CTNNA3: variants seen among roughly 807,000 people sequenced by gnomAD.
CTNNA3 encodes the protein catenin alpha-3.
CTNNA3 carries 76 observed loss-of-function variants against 95.7 expected under a neutral mutation model. That is an observed-to-expected ratio of 0.79 (90% confidence interval 0.66 to 0.96). The LOEUF (loss-of-function observed/expected upper bound fraction) is 0.96. Among genes scored for constraint, CTNNA3 ranks in the 40% least tolerant of loss-of-function variants. CTNNA3 has a pLI of 0.00. For missense variants in CTNNA3, 1,191 were observed against 1,089.8 expected, an observed-to-expected ratio of 1.09 and a Z score of -1.31; for synonymous variants, 431 against 374.4, an observed-to-expected ratio of 1.15 and a Z score of -1.74.
chr10:66,777,775 ACACACACACACACACACACACATG>A (rs1334514038), intron 7 of CTNNA3, among the ~76,000 whole-genome samples: 4 of 123,156 alleles, frequency 3.2e-5, no homozygotes, highest in South Asian at 2.7e-4. Context: ...ACACACACAC[ACACACACACACACACACACACATG>A]CACACACACA....
chr10:67,480,519 C>G (rs1259755941), intron 5 of CTNNA3, among the ~76,000 whole-genome samples: 1 of 152,204 alleles, frequency 6.6e-6, no homozygotes, highest in African/African-American at 2.4e-5. Flanking sequence ...ACAAGGAACA[C>G]CTGGCCCACC....
intron 7 of CTNNA3, among the ~76,000 whole-genome samples, chr10:67,000,360 C>T (rs1027375170): frequency 2.0e-4 from 30 of 152,084 alleles, no homozygotes; most frequent in African/African-American, 5.8e-4. Flanking sequence ...CAGCTGATGA[C>T]GAAAGTTGAT....
rs2079614758 is a variant in CTNNA3 at position 66,038,527 on chromosome 10, C to T, written c.2159+30781G>A. Among the ~76,000 whole-genome samples the T allele has an allele frequency of 2.0e-5, 3 of 152,158 alleles. No homozygotes were observed. The South Asian group carries it at 6.2e-4, about 32-fold the overall frequency. On this transcript the variant is annotated intron_variant, in intron 15 of 17. Transcript: ENST00000433211. ...AATAACCTATGGTCAGTAGGATATA[C>T]ATTTGAGCAATGGCTTTTTCAGTAC...
At chr10:66,355,179 A>G (rs2092599361) in intron 12 of CTNNA3, among the ~76,000 whole-genome samples, 1 of 152,102 alleles carries the variant, frequency 6.6e-6, no homozygotes, top group Non-Finnish European at 1.5e-5. Context: ...AGAGCTCATT[A>G]CTGAGTATTA....
At position 65,913,760 on chromosome 10, in the gene CTNNA3, A is replaced by G. The variant is rs2076974143; in HGVS notation, c.*6570T>C. ...TTACTCCTTTGCTTTACTAATAAACACTCCACTACAAATCTGGTGTTAAAA... is the reference window on the plus strand; with the variant it reads ...TTACTCCTTTGCTTTACTAATAAACGCTCCACTACAAATCTGGTGTTAAAA... On this transcript the variant is annotated 3_prime_UTR_variant, in exon 18 of 18. Transcript: ENST00000433211. 1 of 152,030 alleles carries G rather than the reference A, an allele frequency of 6.6e-6. No homozygotes were observed. The highest frequency in any genetic ancestry group is 2.1e-4 in the South Asian group (1 of 4,828). 9.4% of individuals were successfully genotyped at this position (152,030 alleles called of 1,614,324 possible).
At chr10:66,903,811 C>A (rs529045909) in intron 7 of CTNNA3, among the ~76,000 whole-genome samples, 5 of 152,158 alleles carry the variant, frequency 3.3e-5, no homozygotes, top group African/African-American at 1.2e-4. Context: ...CCTAGGAATC[C>A]AACTTACAAG....
At chr10:66,583,525 A>G (rs1843262619) in intron 10 of CTNNA3, among the ~76,000 whole-genome samples, 1 of 151,752 alleles carries the variant, frequency 6.6e-6, no homozygotes, top group African/African-American at 2.4e-5. Flanking sequence ...TATCAGTTGT[A>G]ATATCTCCAT....
intron 4 of CTNNA3, among the ~76,000 whole-genome samples, chr10:67,524,412 AAAAAAAAAG>A (rs1297238631): frequency 3.5e-5 from 5 of 144,732 alleles, no homozygotes; most frequent in African/African-American, 1.3e-4. Context: ...AAAAAAAAAA[AAAAAAAAAG>A]AGTGTTCAAA....
chr10:67,530,632 G>T (rs765607884), intron 4 of CTNNA3, among the ~76,000 whole-genome samples: 25 of 152,202 alleles, frequency 1.6e-4, no homozygotes, highest in Non-Finnish European at 2.8e-4. Flanking sequence ...TGGAAAATTT[G>T]CAACCTGAAA....
intron 12 of CTNNA3, among the ~76,000 whole-genome samples, chr10:66,323,798 C>G (rs981557532): frequency 2.0e-5 from 3 of 151,990 alleles, no homozygotes; most frequent in Non-Finnish European, 4.4e-5. Flanking sequence ...ATGTCCCTAT[C>G]CTGTATCCCA....
chr10:66,084,973 A>T (rs1276622486), intron 14 of CTNNA3: 2 of 152,140 alleles, frequency 1.3e-5, no homozygotes, highest in Non-Finnish European at 2.9e-5. Context: ...ATCTGACAAG[A>T]TAAGAATCAT....
chr10:66,282,500 C>T (rs1256050376), intron 12 of CTNNA3, among the ~76,000 whole-genome samples: 3 of 151,642 alleles, frequency 2.0e-5, no homozygotes. Flanking sequence ...TTTATCTGAC[C>T]TCCTATACTT....
At chr10:66,484,465 G>T (rs1455123393) in intron 11 of CTNNA3, among the ~76,000 whole-genome samples, 5 of 151,910 alleles carry the variant, frequency 3.3e-5, no homozygotes, top group African/African-American at 4.8e-5. Flanking sequence ...AAAAGAGAAA[G>T]AATAAAGGAG....
chr10:66,088,551 C>G (rs936420753), intron 14 of CTNNA3, among the ~76,000 whole-genome samples: 2 of 147,230 alleles, frequency 1.4e-5, no homozygotes, highest in Non-Finnish European at 3.0e-5. Context: ...TGGTGAATAT[C>G]TTTCTGCAGT....
At chr10:66,197,012 G>A (rs1323059237) in intron 13 of CTNNA3, among the ~76,000 whole-genome samples, 1 of 150,062 alleles carries the variant, frequency 6.7e-6, no homozygotes. Flanking sequence ...TGAGGAGTGT[G>A]GAAAGTGTGA....
At chr10:66,968,851 T>C (rs1849573435) in intron 7 of CTNNA3, among the ~76,000 whole-genome samples, 1 of 151,914 alleles carries the variant, frequency 6.6e-6, no homozygotes, top group Non-Finnish European at 1.5e-5. Context: ...ACCCTGTCTC[T>C]ACCAAAACTA....
chr10:65,969,148 G>C (rs1239469839), intron 16 of CTNNA3, among the ~76,000 whole-genome samples: 1 of 151,852 alleles, frequency 6.6e-6, no homozygotes, highest in Non-Finnish European at 1.5e-5. Context: ...GAAAGGTGTA[G>C]GAGTACACAA....
rs111426016 is a variant in CTNNA3 at position 66,624,896 on chromosome 10, G to C, written c.1282-3112C>G. ...TTGAAAAGCATTCTGGCATTGAAAT[G>C]ATTGACCAGACTTTTTATTGGTATT... On this transcript the variant is annotated intron_variant, in intron 9 of 17. Transcript: ENST00000433211. Among the ~76,000 whole-genome samples the C allele has an allele frequency of 1.1e-3, 160 of 152,256 alleles. 1 individual carries two copies. Among genetic ancestry groups the C allele is most frequent in the African/African-American group, 3.8e-3 (158 of 41,554 alleles).
intron 5 of CTNNA3, among the ~76,000 whole-genome samples, chr10:67,492,005 TG>T (rs1339893733): frequency 4.6e-5 from 7 of 152,070 alleles, no homozygotes; most frequent in Non-Finnish European, 8.8e-5. Context: ...AATCTTGAAT[TG>T]AAGAGAAATA....
Sources: gnomAD v4.1 joint callset for allele counts (sites outside exome capture counted in the v4.1 genomes callset) on GRCh38, gnomAD v4.1.1 for gene constraint, MANE v1.5 for transcripts, NCBI Gene and HGNC (gene_info 2026-07-23, HGNC 2026-07-21) for gene names.